The following FAM193A variants were observed in gnomAD, a reference collection of about 807,000 sequenced individuals.
FAM193A encodes protein FAM193A.
In FAM193A, 22 loss-of-function variants were observed where a neutral mutation model predicts 126.5. The ratio of observed to expected loss-of-function variants is 0.17; its 90% CI spans 0.12 to 0.25. The LOEUF (loss-of-function observed/expected upper bound fraction) is 0.25, where lower values mean the gene tolerates loss of function less well. FAM193A is among the 10% of genes least tolerant of loss of function. The pLI is 1.00. For synonymous variants in FAM193A, 761 were observed against 646.8 expected (o/e 1.18, Z -2.68); for missense variants, 1,675 against 1,672.8 (o/e 1.00, Z -0.02).
intron 2 of FAM193A, among the ~76,000 whole-genome samples, chr4:2,598,938 C>T (rs1454049318): frequency 1.3e-5 from 2 of 152,200 alleles, no homozygotes; most frequent in East Asian, 1.9e-4. Context: ...GCTTTCCCAG[C>T]GAGCCCACCT....
At position 2,643,858 on chromosome 4, in the gene FAM193A, G is replaced by A. The variant is rs543294136; in HGVS notation, c.1164-2827G>A. Among the ~76,000 whole-genome samples the A allele has an allele frequency of 7.2e-5, 11 of 152,274 alleles. No individual in the cohort carries two copies. In the East Asian group the frequency reaches 2.1e-3, roughly 29 times the overall value. On this transcript the variant is annotated intron_variant, in intron 6 of 20. Coordinates refer to ENST00000637812, the MANE Select transcript of FAM193A (RefSeq NM_001366318.2). The stretch of plus-strand genomic sequence containing the variant: ...GCGGGGGGTGTTTCTATCAGGGGGT[G>A]CATCCCTCAGGCCTGCTTCTCTTTG...
chr4:2,572,690 C>T (rs1285151218), intron 1 of FAM193A, among the ~76,000 whole-genome samples: 2 of 151,370 alleles, frequency 1.3e-5, no homozygotes, highest in South Asian at 2.1e-4. Context: ...GGGGAGCTCA[C>T]GTGGGACCTG....
chr4:2,544,207 G>T (rs918483938), intron 1 of FAM193A, among the ~76,000 whole-genome samples: 1 of 152,176 alleles, frequency 6.6e-6, no homozygotes, highest in Non-Finnish European at 1.5e-5. Flanking sequence ...TACCTGCAGA[G>T]AGCATGTCTG....
intron 19 of FAM193A, among the ~76,000 whole-genome samples, chr4:2,714,534 G>A (rs2109365710): frequency 6.6e-6 from 1 of 152,150 alleles, no homozygotes; most frequent in Non-Finnish European, 1.5e-5. Context: ...ACCAGTGATT[G>A]TGGCCTCCAC....
intron 15 of FAM193A, among the ~76,000 whole-genome samples, chr4:2,693,114 C>T (rs1216297841): frequency 1.3e-5 from 2 of 151,894 alleles, no homozygotes; most frequent in Non-Finnish European, 2.9e-5. Context: ...TGCAGTGGTG[C>T]GATCTGTGAT....
chr4:2,566,549 G>A (rs1343649262), intron 1 of FAM193A, among the ~76,000 whole-genome samples: 6 of 151,960 alleles, frequency 3.9e-5, no homozygotes, highest in South Asian at 2.1e-4. Flanking sequence ...TTAGCTGGAC[G>A]TGGTGGTGTG....
chr4:2,731,672 C>A, intron 20 of FAM193A, 103 bp from the exon 21 acceptor site: 1 of 851,406 alleles, frequency 1.2e-6, no homozygotes, highest in Non-Finnish European at 2.0e-6. Context: ...CCTGACCCCG[C>A]AGTGAGTTTC....
intron 1 of FAM193A, among the ~76,000 whole-genome samples, chr4:2,543,347 A>T (rs1310608336): frequency 6.6e-6 from 1 of 151,998 alleles, no homozygotes; most frequent in Non-Finnish European, 1.5e-5. Context: ...TCGGCCTCTC[A>T]AAGTGCTAGG....
chr4:2,638,253 C>T (rs932101812), intron 5 of FAM193A, among the ~76,000 whole-genome samples: 3 of 152,198 alleles, frequency 2.0e-5, no homozygotes, highest in Non-Finnish European at 4.4e-5. Context: ...CCGGGAACTC[C>T]TGGAGAGCAG....
Position 2,710,177 on chromosome 4 carries a change from CT to C in FAM193A, c.4373-5831del, listed in dbSNP as rs1300302935. On this transcript the variant is annotated intron_variant, in intron 19 of 20. Transcript: ENST00000637812. ...TCTTCTTTTGTTTTTTTTTTTTTTT[CT>C]TTTTTTTTTTTTTTGAGACAGAGTC... Among the ~76,000 whole-genome samples, 555 of 73,800 alleles carry C rather than the reference CT, an allele frequency of 7.5e-3. 6 individuals carry two copies. Among genetic ancestry groups the C allele is most frequent in the African/African-American group, 0.017 (302 of 17,628 alleles). 48.4% of individuals were successfully genotyped at this position (73,800 alleles called of 152,430 possible). A position where few individuals can be genotyped will look rare whatever the true frequency, so the allele number is the denominator to read the frequency against.
chr4:2,577,665 T>C (rs1739687589), intron 1 of FAM193A, among the ~76,000 whole-genome samples: 1 of 152,136 alleles, frequency 6.6e-6, no homozygotes. Flanking sequence ...GTGATCCACC[T>C]GCCTGAGCCT....
chr4:2,592,944 C>A (rs996373432), intron 1 of FAM193A, among the ~76,000 whole-genome samples: 2 of 152,138 alleles, frequency 1.3e-5, no homozygotes, highest in Non-Finnish European at 2.9e-5. Flanking sequence ...GAAAATCTTA[C>A]AACCTGCAGG....
intron 7 of FAM193A, among the ~76,000 whole-genome samples, chr4:2,655,536 G>T (rs1256434978): frequency 1.3e-5 from 2 of 152,090 alleles, no homozygotes; most frequent in Non-Finnish European, 2.9e-5. Flanking sequence ...GGAGTGCAAT[G>T]ACAAGATATT....
At chr4:2,550,625 G>A (rs1438600339) in intron 1 of FAM193A, among the ~76,000 whole-genome samples, 6 of 150,724 alleles carry the variant, frequency 4.0e-5, no homozygotes, top group Non-Finnish European at 7.4e-5. Flanking sequence ...TAGTACAGAC[G>A]GGGTTTCTCC....
In FAM193A at chr4:2,626,569, C is replaced by T. The variant is rs1018463314; in HGVS notation, c.795C>T (p.Leu265=). Residue 265 remains leucine, a synonymous_variant, in exon 4 of 21, where the codon CTC becomes CTT. Transcript: ENST00000637812. ...CTGACAAGGAGGGAGTGAAGGAGCT[C>T]GTGGATAGGTACATACTGCCCTTTC... ...LVPDKEGVKE[L]VDRLCERDPY... is the part of the protein sequence containing the mutation. 1.7e-5 allele frequency: 12 copies of T among 700,492 alleles called. No individual in the cohort carries two copies. The highest frequency in any genetic ancestry group is 2.7e-5 in the East Asian group (1 of 37,214). The allele number at this position is 700,492 out of a possible 1,614,324, so 43.4% of individuals were successfully genotyped here. A position where few individuals can be genotyped will look rare whatever the true frequency, so the allele number is the denominator to read the frequency against.
At chr4:2,576,069 G>A (rs186754836) in intron 1 of FAM193A, among the ~76,000 whole-genome samples, 2 of 152,190 alleles carry the variant, frequency 1.3e-5, no homozygotes, top group Non-Finnish European at 2.9e-5. Context: ...GTAATACCGG[G>A]TAGCTGTGCC....
At chr4:2,641,426 A>C (rs762800116) in intron 6 of FAM193A, among the ~76,000 whole-genome samples, 5 of 151,948 alleles carry the variant, frequency 3.3e-5, no homozygotes, top group Non-Finnish European at 7.4e-5. Context: ...TGGGAGGCCG[A>C]GGCGGGCAGA....
intron 8 of FAM193A, among the ~76,000 whole-genome samples, chr4:2,659,348 G>A (rs924595308): frequency 6.6e-6 from 1 of 152,148 alleles, no homozygotes; most frequent in Non-Finnish European, 1.5e-5. Context: ...AGACAAAAGC[G>A]ATTAGGGTCT....
chr4:2,713,348 G>T (rs1423301630), intron 19 of FAM193A, among the ~76,000 whole-genome samples: 1 of 152,186 alleles, frequency 6.6e-6, no homozygotes, highest in Non-Finnish European at 1.5e-5. Context: ...GGAGGTTGCA[G>T]TGAGCTGAGA....
Sources: gnomAD v4.1 joint callset for allele counts (sites outside exome capture counted in the v4.1 genomes callset) on GRCh38, gnomAD v4.1.1 for gene constraint, MANE v1.5 for transcripts, NCBI Gene and HGNC (gene_info 2026-07-23, HGNC 2026-07-21) for gene names.